MICU1: variants seen among roughly 807,000 people sequenced by gnomAD.
MICU1 encodes calcium uptake protein 1, mitochondrial.
A neutral mutation model predicts 56.8 loss-of-function variants in MICU1; 45 were observed. The ratio of observed to expected loss-of-function variants is 0.79; its 90% CI spans 0.62 to 1.02. The LOEUF is 1.02. Among genes scored for constraint, MICU1 ranks in the 50% least tolerant of loss-of-function variants. The probability of loss-of-function intolerance (pLI) is 0.00; values close to 1 mark genes in which losing one functional copy is unlikely to be tolerated. For synonymous variants in MICU1, 186 were observed against 195.1 expected, an observed-to-expected ratio of 0.95 and a Z score of 0.39; for missense variants, 504 against 587.1, an observed-to-expected ratio of 0.86 and a Z score of 1.46.
intron 3 of MICU1, among the ~76,000 whole-genome samples, chr10:72,552,706 C>T (rs896833308): frequency 6.6e-6 from 1 of 152,066 alleles, no homozygotes; most frequent in Non-Finnish European, 1.5e-5. Flanking sequence ...AGGTGCCGGC[C>T]ATCACGCCCG....
intron 5 of MICU1, among the ~76,000 whole-genome samples, chr10:72,512,206 G>A (rs944510453): frequency 4.9e-5 from 7 of 144,288 alleles, no homozygotes; most frequent in Admixed American, 7.2e-5. Flanking sequence ...CTGCCTCCCA[G>A]GTTCAAGCAA....
intron 6 of MICU1, among the ~76,000 whole-genome samples, chr10:72,492,361 G>T (rs181165946): frequency 3.3e-5 from 5 of 152,296 alleles, no homozygotes; most frequent in Admixed American, 3.3e-4. Context: ...TCTTAGACAT[G>T]GGTAGTAGTA....
At chr10:72,542,476 G>A (rs969545750) in intron 4 of MICU1, among the ~76,000 whole-genome samples, 1 of 152,198 alleles carries the variant, frequency 6.6e-6, no homozygotes, top group African/African-American at 2.4e-5. Flanking sequence ...TGTTGCGGGA[G>A]GGAGTGTGCA....
Position 72,533,804 on chromosome 10 carries a change from G to GA in MICU1, c.494-16dup, listed in dbSNP as rs781437257. The GA allele has an allele frequency of 1.9e-6, 3 of 1,559,496 alleles. No individual in the cohort carries two copies. Among genetic ancestry groups the GA allele is most frequent in the South Asian group, 1.2e-5 (1 of 82,604 alleles). ...CAGACCCAAGTCTGTAAAAGAAAAG[G>GA]AAAAAACATTTAGCTACTGATAATA... is the stretch of plus-strand genomic sequence containing the variant. On this transcript the variant is annotated splice_polypyrimidine_tract_variant and intron_variant, in intron 4 of 11. Coordinates refer to ENST00000361114, the MANE Select transcript of MICU1 (RefSeq NM_001195518.2).
intron 5 of MICU1, chr10:72,533,212 A>C (rs1839539283): frequency 9.4e-7 from 1 of 1,069,262 alleles, no homozygotes; most frequent in Non-Finnish European, 1.2e-6. Flanking sequence ...TAAAACTGAA[A>C]GTCTCATTTT....
chr10:72,401,580 G>C (rs1263190288), intron 10 of MICU1, among the ~76,000 whole-genome samples: 1 of 152,200 alleles, frequency 6.6e-6, no homozygotes, highest in Non-Finnish European at 1.5e-5. Flanking sequence ...TTTGAACCTG[G>C]AAGGCGAAGG....
intron 9 of MICU1, among the ~76,000 whole-genome samples, chr10:72,414,939 C>G (rs1384036747): frequency 6.6e-6 from 1 of 151,796 alleles, no homozygotes; most frequent in Non-Finnish European, 1.5e-5. Context: ...CTGAAAAAAA[C>G]AGTCTTCTTC....
At chr10:72,542,905 G>T (rs868394668) in intron 4 of MICU1, among the ~76,000 whole-genome samples, 6 of 152,220 alleles carry the variant, frequency 3.9e-5, no homozygotes, top group Admixed American at 6.5e-5. Context: ...CTGGAAAAGG[G>T]ATGGGATGGG....
At chr10:72,456,030 G>A (rs1865447814) in intron 8 of MICU1, among the ~76,000 whole-genome samples, 1 of 152,182 alleles carries the variant, frequency 6.6e-6, no homozygotes, top group African/African-American at 2.4e-5. Flanking sequence ...TGGGAAGGAA[G>A]GGAATGAGGT....
intron 10 of MICU1, among the ~76,000 whole-genome samples, chr10:72,386,206 G>C (rs565789989): frequency 6.6e-6 from 1 of 152,014 alleles, no homozygotes; most frequent in Non-Finnish European, 1.5e-5. Flanking sequence ...GAGGGGGACG[G>C]AGTCTCGCTC....
chr10:72,608,521 AAATTAAAACC>A (rs1312249627), intron 1 of MICU1, among the ~76,000 whole-genome samples: 3 of 152,354 alleles, frequency 2.0e-5, no homozygotes, highest in Non-Finnish European at 2.9e-5. Context: ...AGGTAAAAGC[AAATTAAAACC>A]AATTAAAACC....
chr10:72,432,513 A>C (rs1864573063), intron 8 of MICU1, among the ~76,000 whole-genome samples: 1 of 152,130 alleles, frequency 6.6e-6, no homozygotes, highest in Non-Finnish European at 1.5e-5. Context: ...AAAGAGGTTT[A>C]TTTTGGTTCT....
At chr10:72,507,506 T>C (rs774092868) in intron 6 of MICU1, among the ~76,000 whole-genome samples, 1 of 152,176 alleles carries the variant, frequency 6.6e-6, no homozygotes, top group Non-Finnish European at 1.5e-5. Flanking sequence ...TCTTCTTTAG[T>C]GGAGGAAATG....
chr10:72,513,528 T>C (rs1012166739), intron 5 of MICU1, among the ~76,000 whole-genome samples: 3 of 152,214 alleles, frequency 2.0e-5, no homozygotes, highest in Admixed American at 1.3e-4. Flanking sequence ...CTCTTGATAA[T>C]GTCCTATGAA....
At chr10:72,385,351 G>A (rs185569973) in intron 10 of MICU1, among the ~76,000 whole-genome samples, 19 of 152,120 alleles carry the variant, frequency 1.2e-4, no homozygotes, top group South Asian at 6.2e-4. Flanking sequence ...TTAGCTGGGC[G>A]TGGTGGTGTG....
At chr10:72,470,685 A>G (rs953677725) in intron 8 of MICU1, among the ~76,000 whole-genome samples, 2 of 151,454 alleles carry the variant, frequency 1.3e-5, no homozygotes, top group African/African-American at 4.9e-5. Context: ...CAGCAATTAA[A>G]TTTCCAATAC....
intron 10 of MICU1, among the ~76,000 whole-genome samples, chr10:72,387,646 G>A (rs1014800819): frequency 6.6e-6 from 1 of 152,000 alleles, no homozygotes; most frequent in African/African-American, 2.4e-5. Context: ...GGAGAACCTA[G>A]AAGCTTCAAT....
chr10:72,418,643 A>G (rs1425535412), intron 9 of MICU1, among the ~76,000 whole-genome samples: 1 of 152,240 alleles, frequency 6.6e-6, no homozygotes, highest in East Asian at 1.9e-4. Context: ...AGGACCTTCA[A>G]TCTCTTAGGT....
intron 8 of MICU1, among the ~76,000 whole-genome samples, chr10:72,452,563 T>C (rs1865331950): frequency 6.6e-6 from 1 of 152,146 alleles, no homozygotes; most frequent in African/African-American, 2.4e-5. Flanking sequence ...TGATGGTGTA[T>C]ATGTTTAGAT....
Sources: gnomAD v4.1 joint callset for allele counts (sites outside exome capture counted in the v4.1 genomes callset) on GRCh38, gnomAD v4.1.1 for gene constraint, MANE v1.5 for transcripts, NCBI Gene and HGNC (gene_info 2026-07-23, HGNC 2026-07-21) for gene names.